The following BMAL1 variants were observed in gnomAD, a reference collection of about 807,000 sequenced individuals.
The protein encoded by BMAL1 is basic helix-loop-helix ARNT-like protein 1.
chr11:13,386,625 A>G, the BMAL1 span: 2 of 1,614,106 alleles, frequency 1.2e-6, no homozygotes, highest in Non-Finnish European at 1.7e-6. Flanking sequence ...TATAGACATG[A>G]TTGACAACGA....
the BMAL1 span, among the ~76,000 whole-genome samples, chr11:13,334,840 T>C: frequency 2.6e-5 from 4 of 152,220 alleles, no homozygotes; most frequent in Non-Finnish European, 4.4e-5. Flanking sequence ...GGCCCATGAC[T>C]TCATCCAGAG....
the BMAL1 span, among the ~76,000 whole-genome samples, chr11:13,377,643 C>T: frequency 6.6e-6 from 1 of 152,178 alleles, no homozygotes; most frequent in Non-Finnish European, 1.5e-5. Flanking sequence ...ACTCCTCATT[C>T]CCTTGTGGAA....
At chr11:13,355,162 T>C in the BMAL1 span, 1 of 1,457,354 alleles carries the variant, frequency 6.9e-7, no homozygotes, top group South Asian at 1.2e-5. Flanking sequence ...GGTTTTCTTT[T>C]GTTTAATGAG....
chr11:13,349,603 T>G, the BMAL1 span, among the ~76,000 whole-genome samples: 2 of 152,246 alleles, frequency 1.3e-5, no homozygotes, highest in African/African-American at 4.8e-5. Context: ...TTATGATTAC[T>G]TGACCCAGTA....
At chr11:13,380,948 C>T in the BMAL1 span, 8 of 531,896 alleles carry the variant, frequency 1.5e-5, no homozygotes, top group East Asian at 3.1e-5. Context: ...CACACCGATT[C>T]GTATCTGTGG....
the BMAL1 span, among the ~76,000 whole-genome samples, chr11:13,339,360 G>C: frequency 1.3e-5 from 2 of 151,700 alleles, no homozygotes; most frequent in African/African-American, 2.4e-5. Flanking sequence ...CTAATACAGA[G>C]GGCTGAGTCA....
chr11:13,360,827 C>G, the BMAL1 span, among the ~76,000 whole-genome samples: 1 of 152,200 alleles, frequency 6.6e-6, no homozygotes, highest in Non-Finnish European at 1.5e-5. Context: ...ACACCAAAAT[C>G]TCATCAAAAT....
the BMAL1 span, among the ~76,000 whole-genome samples, chr11:13,313,493 G>C: frequency 6.6e-6 from 1 of 152,110 alleles, no homozygotes; most frequent in East Asian, 1.9e-4. Context: ...TCCCTGTGCT[G>C]CCTGCTTGGT....
At chr11:13,350,312 C>T in the BMAL1 span, among the ~76,000 whole-genome samples, 2 of 152,224 alleles carry the variant, frequency 1.3e-5, no homozygotes, top group African/African-American at 2.4e-5. Context: ...GAGGGCAGGG[C>T]TCTGTACTCA....
At chr11:13,344,767 T>C in the BMAL1 span, among the ~76,000 whole-genome samples, 5 of 152,188 alleles carry the variant, frequency 3.3e-5, no homozygotes, top group African/African-American at 1.2e-4. Flanking sequence ...CACCACCCTC[T>C]GAACAGATCA....
the BMAL1 span, among the ~76,000 whole-genome samples, chr11:13,337,605 TG>T: frequency 5.3e-5 from 8 of 152,354 alleles, no homozygotes; most frequent in East Asian, 1.5e-3. Context: ...TCACTAATAC[TG>T]GTATTATCTT....
chr11:13,375,491 T>G, the BMAL1 span: 1 of 800,306 alleles, frequency 1.2e-6, no homozygotes, highest in East Asian at 3.1e-5. Flanking sequence ...TGCAGTTTCC[T>G]TGGCTTACTA....
At chr11:13,304,838 C>T in the BMAL1 span, among the ~76,000 whole-genome samples, 2 of 152,308 alleles carry the variant, frequency 1.3e-5, no homozygotes, top group South Asian at 2.1e-4. Context: ...TTCTGGAATG[C>T]GAGTTGATGC....
chr11:13,365,333 C>A, the BMAL1 span: 2 of 441,600 alleles, frequency 4.5e-6, no homozygotes, highest in Non-Finnish European at 8.3e-6. Context: ...TCTTACAGTT[C>A]TTCAGAGACG....
the BMAL1 span, among the ~76,000 whole-genome samples, chr11:13,359,331 G>T: frequency 6.6e-6 from 1 of 152,208 alleles, no homozygotes; most frequent in Admixed American, 6.5e-5. Context: ...TCTGACCTGC[G>T]TGGTAGAAGA....
At chr11:13,299,562 C>G in the BMAL1 span, among the ~76,000 whole-genome samples, 2 of 152,090 alleles carry the variant, frequency 1.3e-5, no homozygotes, top group Admixed American at 1.3e-4. Flanking sequence ...TTACTTTGGC[C>G]TCTTGTATTT....
At chr11:13,311,838 A>C in the BMAL1 span, among the ~76,000 whole-genome samples, 1 of 152,178 alleles carries the variant, frequency 6.6e-6, no homozygotes, top group Non-Finnish European at 1.5e-5. Context: ...CCTTGCCATG[A>C]GACAAGATGT....
the BMAL1 span, among the ~76,000 whole-genome samples, chr11:13,348,065 G>A: frequency 6.6e-5 from 10 of 152,306 alleles, 1 homozygote; most frequent in South Asian, 2.1e-3. Context: ...GCGTGAAGGA[G>A]CCTGGGCAGG....
chr11:13,284,161 T>C, the BMAL1 span, among the ~76,000 whole-genome samples: 1 of 47,150 alleles, frequency 2.1e-5, no homozygotes, highest in Non-Finnish European at 3.8e-5. Context: ...TATATATATG[T>C]GTGTATATAT....
Sources: gnomAD v4.1 joint callset for allele counts (sites outside exome capture counted in the v4.1 genomes callset) on GRCh38, gnomAD v4.1.1 for gene constraint, MANE v1.5 for transcripts, NCBI Gene and HGNC (gene_info 2026-07-23, HGNC 2026-07-21) for gene names.